INCENP: variants seen among roughly 807,000 people sequenced by gnomAD.
The protein encoded by INCENP is inner centromere protein, also known as binds and activates aurora-B and -C in vivo and in vitro.
A neutral mutation model predicts 107.3 loss-of-function variants in INCENP; 43 were observed. The ratio of observed to expected loss-of-function variants is 0.40; its 90% CI spans 0.31 to 0.52. The LOEUF is 0.52. Ranked by LOEUF, INCENP falls within the 20% of genes least tolerant of loss-of-function variation. INCENP has a pLI of 0.53. For missense variants in INCENP, 1,089 were observed against 1,250.9 expected (o/e 0.87, Z 1.95); for synonymous variants, 488 against 494.4 (o/e 0.99, Z 0.17).
rs758063143 is a variant in INCENP, at chr11:62,130,148, C to A, written c.621C>A (p.Thr207=). The A allele has an allele frequency of 1.2e-6, 2 of 1,613,926 alleles. No individual in the cohort carries two copies. The highest frequency in any genetic ancestry group is 2.2e-5 in the East Asian group (1 of 44,878). The change falls in exon 4 of 19, where the codon ACC becomes ACA. Residue 207 remains threonine, a synonymous_variant. Transcript: ENST00000394818. ...SPTPASATAP[T]SQGIPTSDEE... ...CTCCAGCTTCAGCCACAGCTCCAAC[C>A]TCCCAGGGCATCCCGACATCAGATG...
chr11:62,130,218 A>T lies in INCENP; in HGVS notation c.691A>T (p.Ile231Phe), dbSNP rs1179499457. ...KKSKARILES[I>F]TVSSLMATPQ... is the part of the protein sequence containing the mutation. ...GTCGAAGGCCAGGATACTGGAGTCCATCACAGTGAGCTCCCTGATGGCTAC... is the reference window on the plus strand; with the variant it reads ...GTCGAAGGCCAGGATACTGGAGTCCTTCACAGTGAGCTCCCTGATGGCTAC... Residue 231 changes from isoleucine to phenylalanine, a missense_variant, in exon 4 of 19, where the codon ATC becomes TTC. Transcript: ENST00000394818. 1.1e-5 allele frequency: 17 copies of T among 1,613,840 alleles called. No individual in the cohort carries two copies. The highest frequency in any genetic ancestry group is 1.4e-5 in the Non-Finnish European group (17 of 1,180,048).
Position 62,146,721 on chromosome 11 carries a change from C to T in INCENP, c.2023C>T (p.Leu675=). 1 of 1,550,436 alleles carries T rather than the reference C, an allele frequency of 6.4e-7. No homozygotes were observed. Among genetic ancestry groups the T allele is most frequent in the South Asian group, 1.2e-5 (1 of 84,008 alleles). Residue 675 remains leucine (L), a synonymous_variant, in exon 15 of 19, where the codon CTG becomes TTG. Coordinates refer to ENST00000394818, the MANE Select transcript of INCENP (RefSeq NM_001040694.2). ...QKKKEEEQER[L]RKAAEAKRLA... is the part of the protein sequence containing the mutation. ...GAAGAAGGAAGAGGAGCAGGAGCGG[C>T]TGCGGAAGGCGGCCGAGGCTAAGCG... is the stretch of plus-strand genomic sequence containing the variant.
At position 62,140,764 on chromosome 11, in the gene INCENP, T is replaced by G; in HGVS notation, c.1404T>G (p.Asp468Glu). 6.2e-7 allele frequency: 1 copy of G among 1,609,968 alleles called. No individual in the cohort carries two copies. ...TGGACGAGGAGCAGCACCTGGAGGA[T>G]GAGGAGCTGCAGCCCCCCAGGAGCA... is the stretch of plus-strand genomic sequence containing the variant. The part of the protein sequence containing the change: ...SELDEEQHLE[D>E]EELQPPRSKT... Residue 468 changes from aspartate (D) to glutamate (E), a missense_variant, in exon 9 of 19, where the codon GAT (aspartate) becomes GAG (glutamate). Physicochemically the swap from Asp to Glu is conservative, Grantham distance 45. Transcript: ENST00000394818.
intron 4 of INCENP, among the ~76,000 whole-genome samples, chr11:62,135,717 C>T (rs1311491798): frequency 6.6e-6 from 1 of 152,186 alleles, no homozygotes; most frequent in East Asian, 1.9e-4. Context: ...TTTCTGACCT[C>T]ATCAGAAAAG....
At chr11:62,145,582 G>T in intron 13 of INCENP, 47 bp from the exon 14 acceptor site, 1 of 1,565,138 alleles carries the variant, frequency 6.4e-7, no homozygotes, top group African/African-American at 1.4e-5. Context: ...CACTCTGCAG[G>T]ATTGAATGTG....
At position 62,145,015 on chromosome 11, in the gene INCENP, C is replaced by T. The variant is rs747859449; in HGVS notation, c.1639C>T (p.Arg547Trp). The change falls in exon 12 of 19, where the codon CGG becomes TGG. Residue 547 changes from arginine to tryptophan, a missense_variant. Arg to Trp is a moderately radical substitution (Grantham distance 101, BLOSUM62 -3). Coordinates refer to ENST00000394818, the MANE Select transcript of INCENP (RefSeq NM_001040694.2). ...KERQRLENLR[R>W]KEEAEQLRRQ... ...GCGGCAGCGCCTGGAGAATCTGCGG[C>T]GGAAGGAGGAGGCCGAGCAGCTGCG... The T allele has an allele frequency of 1.5e-5, 24 of 1,605,892 alleles. No homozygotes were observed. Among genetic ancestry groups the T allele is most frequent in the East Asian group, 8.9e-5 (4 of 44,840 alleles).
rs201840859 is a variant in INCENP at position 62,139,038 on chromosome 11, C to G, written c.1291+33C>G. 390 of 1,505,944 alleles carry G rather than the reference C, an allele frequency of 2.6e-4. 2 individuals carry two copies. The highest frequency in any genetic ancestry group is 6.0e-4 in the South Asian group (53 of 88,958). 93.3% of individuals were successfully genotyped at this position (1,505,944 alleles called of 1,614,324 possible). ...TTCCTGACCTGCCGTGTGCAGTGCC[C>G]GGAGCCACAGCGGGCCTTGGCGGCC... On this transcript the variant is annotated intron_variant, in intron 7 of 18. Transcript: ENST00000394818.
In INCENP at chr11:62,128,293, G is replaced by A; in HGVS notation, c.132G>A (p.Met44Ile). ...AAATCCAAGAGGAGGCCGAGCGCAT[G>A]TTCACCAGGTGAAGACGGGCACAGT... ...LEEIQEEAER[M>I]FTREFSKEPE... Residue 44 changes from methionine to isoleucine, a missense_variant, in exon 2 of 19, where the codon ATG becomes ATA. Physicochemically the swap from Met to Ile is conservative, Grantham distance 10. Transcript: ENST00000394818. 1 of 1,614,100 alleles carries A rather than the reference G, an allele frequency of 6.2e-7. No individual in the cohort carries two copies. Among genetic ancestry groups the A allele is most frequent in the Non-Finnish European group, 8.5e-7 (1 of 1,180,016 alleles).
intron 7 of INCENP, 143 bp from the exon 8 acceptor site, chr11:62,140,091 G>T: frequency 1.4e-6 from 1 of 693,870 alleles, no homozygotes. Flanking sequence ...ATATGTCTGC[G>T]TTTGGCCACC....
chr11:62,148,678 G>T (rs1308855711), intron 16 of INCENP, 61 bp from the exon 17 acceptor site: 2 of 1,439,712 alleles, frequency 1.4e-6, no homozygotes, highest in East Asian at 2.3e-5. Context: ...CGGAGGGAAG[G>T]GGAGGGGAGG....
intron 14 of INCENP, 113 bp downstream of exon 14, chr11:62,145,864 T>A: frequency 7.6e-7 from 1 of 1,308,688 alleles, no homozygotes; most frequent in South Asian, 1.5e-5. Context: ...GACCATCTTG[T>A]TGCTTCATGC....
chr11:62,129,884 C>T lies in INCENP; in HGVS notation c.357C>T (p.Ser119=), dbSNP rs753012492. ...KLATVVGENG[S]VLRRVTRAAA... is the part of the protein sequence containing the mutation. ...CTACAGTGGTCGGGGAGAACGGCTCCGTCCTGCGGCGTGTGACCCGTGCTG... is the reference window on the plus strand; with the variant it reads ...CTACAGTGGTCGGGGAGAACGGCTCTGTCCTGCGGCGTGTGACCCGTGCTG... Residue 119 remains serine, a synonymous_variant, in exon 4 of 19, where the codon TCC becomes TCT. Coordinates refer to ENST00000394818, the MANE Select transcript of INCENP (RefSeq NM_001040694.2). 27 of 1,613,496 alleles carry T rather than the reference C, an allele frequency of 1.7e-5. No homozygotes were observed. Among genetic ancestry groups the T allele is most frequent in the South Asian group, 1.3e-4 (12 of 91,080 alleles).
At position 62,141,508 on chromosome 11, in the gene INCENP, C is replaced by G. The variant is rs1268077045; in HGVS notation, c.1602C>G (p.Phe534Leu). Residue 534 changes from phenylalanine to leucine, a missense_variant, in exon 11 of 19, where the codon TTC becomes TTG. Phe to Leu is a conservative substitution (Grantham distance 22). Transcript: ENST00000394818. ...TPLRMDPKCS[F>L]VEKERQRLEN... Reference sequence around the variant, plus strand: ...CCTTGTCTCCTCCACAGTGCAGCTTCGTCGTAAGTAAAGCCTTTTCCTGTC... The same window carrying G: ...CCTTGTCTCCTCCACAGTGCAGCTTGGTCGTAAGTAAAGCCTTTTCCTGTC... The G allele has an allele frequency of 6.8e-6, 11 of 1,613,920 alleles. No homozygotes were observed. The highest frequency in any genetic ancestry group is 9.3e-6 in the Non-Finnish European group (11 of 1,179,888).
chr11:62,135,849 G>A (rs1446405740), intron 4 of INCENP, among the ~76,000 whole-genome samples: 2 of 151,538 alleles, frequency 1.3e-5, no homozygotes, highest in African/African-American at 4.9e-5. Flanking sequence ...TTGCTCTGTT[G>A]CCCAGGCTGG....
chr11:62,135,422 G>A (rs1002036113), intron 4 of INCENP, among the ~76,000 whole-genome samples: 3 of 151,644 alleles, frequency 2.0e-5, no homozygotes, highest in African/African-American at 4.8e-5. Flanking sequence ...GCCCACCGAC[G>A]CCCGGATAAT....
chr11:62,146,400 G>T (rs1409738514), intron 14 of INCENP, among the ~76,000 whole-genome samples: 1 of 152,262 alleles, frequency 6.6e-6, no homozygotes, highest in East Asian at 1.9e-4. Context: ...CTTGCCCGTT[G>T]TTTCATAGCT....
intron 11 of INCENP, among the ~76,000 whole-genome samples, chr11:62,142,016 T>G (rs1285829324): frequency 1.3e-5 from 2 of 152,068 alleles, no homozygotes; most frequent in Non-Finnish European, 2.9e-5. Context: ...AGTAGAACAG[T>G]GGGTGGTAGC....
chr11:62,143,969 GC>G (rs1249508774), intron 11 of INCENP, among the ~76,000 whole-genome samples: 4 of 152,254 alleles, frequency 2.6e-5, no homozygotes, highest in Admixed American at 1.3e-4. Flanking sequence ...TTCTGTGTCT[GC>G]CCAGGAGGGG....
intron 14 of INCENP, 87 bp downstream of exon 14, chr11:62,145,838 T>A: frequency 1.4e-6 from 2 of 1,419,952 alleles, no homozygotes; most frequent in Non-Finnish European, 1.9e-6. Flanking sequence ...GCACCCCACC[T>A]TGTGGGGTTG....
Sources: gnomAD v4.1 joint callset for allele counts (sites outside exome capture counted in the v4.1 genomes callset) on GRCh38, gnomAD v4.1.1 for gene constraint, MANE v1.5 for transcripts, NCBI Gene and HGNC (gene_info 2026-07-23, HGNC 2026-07-21) for gene names.